The following RNF212 variants were observed in gnomAD, a reference collection of about 807,000 sequenced individuals.
The protein encoded by RNF212 is probable E3 SUMO-protein ligase RNF212.
In RNF212, 33 loss-of-function variants were observed where a neutral mutation model predicts 34.7. The ratio of observed to expected loss-of-function variants is 0.95; its 90% CI spans 0.72 to 1.27. RNF212 has a LOEUF of 1.27. Among genes scored for constraint, RNF212 ranks in the 50% most tolerant of loss-of-function variants. RNF212 has a pLI of 0.00. For synonymous variants in RNF212, 140 were observed against 136.1 expected (o/e 1.03, Z -0.20); for missense variants, 377 against 362.2 (o/e 1.04, Z -0.33).
At chr4:1,057,698 C>A (rs60315584) in intron 4 of RNF212, among the ~76,000 whole-genome samples, 1 of 152,076 alleles carries the variant, frequency 6.6e-6, no homozygotes, top group African/African-American at 2.4e-5. Context: ...TAGAACAGCA[C>A]GCAGTCACCA....
At chr4:1,104,824 G>A (rs1724559543) in intron 2 of RNF212, among the ~76,000 whole-genome samples, 1 of 152,182 alleles carries the variant, frequency 6.6e-6, no homozygotes, top group Non-Finnish European at 1.5e-5. Context: ...TCCTCGCCAT[G>A]ACCTGACATC....
At position 1,090,735 on chromosome 4, in the gene RNF212, T is replaced by C. The variant is rs566420497; in HGVS notation, c.303+47A>G. 28 of 1,041,286 alleles carry C rather than the reference T, an allele frequency of 2.7e-5. No homozygotes were observed. The Admixed American group carries it at 4.8e-4, about 18-fold the overall frequency. The allele number at this position is 1,041,286 out of a possible 1,614,324, so 64.5% of individuals were successfully genotyped here. On this transcript the variant is annotated intron_variant, in intron 4 of 9. Coordinates refer to ENST00000433731, the MANE Select transcript of RNF212 (RefSeq NM_001131034.4). ...TTAATTAACAAGTCTGACATTTAAA[T>C]CTAAAGGTCAAAAAAATTCAAGTGG...
At chr4:1,073,554 A>T in intron 9 of RNF212, 45 bp downstream of exon 9, 1 of 1,322,618 alleles carries the variant, frequency 7.6e-7, no homozygotes, top group Non-Finnish European at 1.1e-6. Flanking sequence ...AATGCATTTT[A>T]ATCGATGCAT....
chr4:1,063,390 A>G (rs1311927405), intron 3 of RNF212, among the ~76,000 whole-genome samples: 1 of 152,226 alleles, frequency 6.6e-6, no homozygotes, highest in African/African-American at 2.4e-5. Flanking sequence ...ACAGGACAAT[A>G]CGATTAACAG....
intron 4 of RNF212, among the ~76,000 whole-genome samples, chr4:1,086,335 C>A (rs187830885): frequency 6.6e-6 from 1 of 152,114 alleles, no homozygotes; most frequent in African/African-American, 2.4e-5. Flanking sequence ...GCTGGAGCCC[C>A]GCCCTGTGTG....
At chr4:1,073,223 G>A (rs771601840) in intron 9 of RNF212, 30 bp from the exon 10 acceptor site, 5 of 1,607,758 alleles carry the variant, frequency 3.1e-6, no homozygotes, top group South Asian at 2.2e-5. Context: ...ACAGCGTGTG[G>A]GGAGATGGCC....
intron 7 of RNF212, among the ~76,000 whole-genome samples, chr4:1,080,487 A>G (rs1736341515): frequency 6.6e-6 from 1 of 152,026 alleles, no homozygotes; most frequent in African/African-American, 2.4e-5. Flanking sequence ...GGGAGGGTGG[A>G]CAAAACCCAC....
intron 4 of RNF212, among the ~76,000 whole-genome samples, chr4:1,087,778 A>G (rs1006255426): frequency 2.6e-5 from 4 of 151,820 alleles, no homozygotes; most frequent in Non-Finnish European, 5.9e-5. Context: ...TTCTCATGAC[A>G]GTGAGTTCTC....
intron 1 of RNF212, among the ~76,000 whole-genome samples, chr4:1,109,646 G>A (rs1261567482): frequency 2.0e-5 from 3 of 152,116 alleles, no homozygotes; most frequent in African/African-American, 7.2e-5. Flanking sequence ...TTCCCCATGG[G>A]GCTGCTCAAA....
At chr4:1,071,283 A>T (rs6827206), downstream of RNF212, among the ~76,000 whole-genome samples, 123,488 of 151,874 alleles carry the variant, frequency 0.81, 50,934 homozygotes, top group African/African-American at 0.95. Context: ...CTTGGTTTTT[A>T]AAATACTATT....
chr4:1,073,096 A>C lies in RNF212; in HGVS notation c.672T>G (p.Cys224Trp). The stretch of plus-strand genomic sequence containing the variant: ...AGTGAGGACAGACGTCTATGCAGAA[A>C]CATGGTGAACCTCTGGAAATGACAC... ...GECVISRGSP[C>W]FCIDVCPHWL... The change falls in exon 10 of 10, where the codon TGT becomes TGG. Residue 224 changes from cysteine to tryptophan, a missense_variant. Transcript: ENST00000433731. The C allele has an allele frequency of 6.2e-7, 1 of 1,614,172 alleles. No homozygotes were observed. The highest frequency in any genetic ancestry group is 8.5e-7 in the Non-Finnish European group (1 of 1,180,038).
At chr4:1,092,960 G>A (rs571439031) in intron 3 of RNF212, among the ~76,000 whole-genome samples, 19 of 90,264 alleles carry the variant, frequency 2.1e-4, no homozygotes, top group Non-Finnish European at 3.2e-4. Context: ...GCCTGCATTC[G>A]TCCACATGAG....
chr4:1,095,304 G>A (rs1404948177), intron 3 of RNF212, among the ~76,000 whole-genome samples: 2 of 81,096 alleles, frequency 2.5e-5, no homozygotes, highest in Admixed American at 1.0e-4. Context: ...TCGGGATAGC[G>A]CACCTGGCTC....
Position 1,058,443 on chromosome 4 carries a change from G to A in RNF212, n.148-50C>T, listed in dbSNP as rs556690062. The A allele has an allele frequency of 7.4e-6, 6 of 806,200 alleles. No individual in the cohort carries two copies. In the South Asian group the frequency reaches 1.7e-4, roughly 23 times the overall value. 49.9% of individuals were successfully genotyped at this position (806,200 alleles called of 1,614,324 possible). ...TGAGTCGTTCATGTTAACACATCAC[G>A]GTGCTTTGAGGACGACGACCAGGCC... is the stretch of plus-strand genomic sequence containing the variant. On this transcript the variant is annotated intron_variant and non_coding_transcript_variant, in intron 3 of 4. Coordinates refer to the RNF212 transcript ENST00000503206.
At chr4:1,095,067 C>T (rs1033027981) in intron 3 of RNF212, among the ~76,000 whole-genome samples, 23 of 151,226 alleles carry the variant, frequency 1.5e-4, no homozygotes, top group African/African-American at 1.5e-4. Context: ...CTCAGGATAG[C>T]GCACCTGGCT....
intron 1 of RNF212, among the ~76,000 whole-genome samples, chr4:1,111,485 C>T (rs564159871): frequency 6.6e-6 from 1 of 152,306 alleles, no homozygotes; most frequent in Admixed American, 6.5e-5. Context: ...TGGGTTCCCT[C>T]CCGCTGGGCT....
chr4:1,059,103 C>T (rs560813502), intron 3 of RNF212, among the ~76,000 whole-genome samples: 5 of 152,338 alleles, frequency 3.3e-5, no homozygotes, highest in East Asian at 1.9e-4. Flanking sequence ...ATTAGGCTTC[C>T]CCAGCGCAGT....
chr4:1,061,752 A>T (rs934027166), intron 3 of RNF212, among the ~76,000 whole-genome samples: 53 of 152,228 alleles, frequency 3.5e-4, no homozygotes, highest in African/African-American at 1.2e-3. Flanking sequence ...GCTGCCGTGG[A>T]CACAGATTCT....
chr4:1,105,835 G>A (rs976119536), intron 2 of RNF212, among the ~76,000 whole-genome samples: 3 of 152,262 alleles, frequency 2.0e-5, no homozygotes, highest in African/African-American at 7.2e-5. Flanking sequence ...AAGGCTGTGG[G>A]GGATGGAGCC....
Sources: gnomAD v4.1 joint callset for allele counts (sites outside exome capture counted in the v4.1 genomes callset) on GRCh38, gnomAD v4.1.1 for gene constraint, MANE v1.5 for transcripts, NCBI Gene and HGNC (gene_info 2026-07-23, HGNC 2026-07-21) for gene names.